CFAP54: variants seen among roughly 807,000 people sequenced by gnomAD.
CFAP54 encodes cilia- and flagella-associated protein 54.
In CFAP54, 290 loss-of-function variants were observed where a neutral mutation model predicts 370.4. That is an observed-to-expected ratio of 0.78 (90% CI 0.71 to 0.86). The LOEUF is 0.86. Among genes scored for constraint, CFAP54 ranks in the 40% least tolerant of loss-of-function variants. The pLI, the probability that CFAP54 is intolerant of heterozygous loss-of-function variation, is 0.00. For missense variants in CFAP54, 3,399 were observed against 3,528.7 expected (o/e 0.96, Z 0.93); for synonymous variants, 1,206 against 1,236.5 (o/e 0.98, Z 0.52).
chr12:96,489,627 C>A lies in CFAP54; in HGVS notation c.18C>A (p.Ser6=), dbSNP rs964132214. The change falls in exon 1 of 68, where the codon TCC becomes TCA. Residue 6 remains serine, a synonymous_variant. Coordinates refer to ENST00000524981, the MANE Select transcript of CFAP54 (RefSeq NM_001306084.2). ...GCGTCAATATGGCGGCGCAGGGCTC[C>A]CCCTCGAGCTCTCCGTCAGACGACT... MAAQG[S]PSSSPSDDST... The A allele has an allele frequency of 2.6e-6, 4 of 1,523,516 alleles. No individual in the cohort carries two copies. The highest frequency in any genetic ancestry group is 3.5e-6 in the Non-Finnish European group (4 of 1,137,330). 94.4% of individuals were successfully genotyped at this position (1,523,516 alleles called of 1,614,324 possible). A position where few individuals can be genotyped will look rare whatever the true frequency, so the allele number is the denominator to read the frequency against.
At chr12:96,589,109 A>T (rs1052047962) in intron 22 of CFAP54, among the ~76,000 whole-genome samples, 1 of 152,238 alleles carries the variant, frequency 6.6e-6, no homozygotes, top group African/African-American at 2.4e-5. Flanking sequence ...GCTGAGATAG[A>T]TGGAAATGAA....
intron 15 of CFAP54, among the ~76,000 whole-genome samples, chr12:96,549,671 G>A (rs1385378722): frequency 6.6e-6 from 1 of 152,204 alleles, no homozygotes; most frequent in African/African-American, 2.4e-5. Flanking sequence ...GTCTTTTTGA[G>A]TATAAGTGTC....
At chr12:96,588,143 CT>C (rs1446081249) in intron 22 of CFAP54, among the ~76,000 whole-genome samples, 1 of 152,084 alleles carries the variant, frequency 6.6e-6, no homozygotes, top group Non-Finnish European at 1.5e-5. Context: ...CCACTTGTTT[CT>C]TTTCATTTTT....
intron 17 of CFAP54, among the ~76,000 whole-genome samples, chr12:96,557,632 A>G (rs1292863222): frequency 1.3e-5 from 2 of 152,144 alleles, no homozygotes; most frequent in African/African-American, 4.8e-5. Context: ...GATGAATTCT[A>G]GAAACATAAT....
intron 50 of CFAP54, among the ~76,000 whole-genome samples, chr12:96,737,532 C>T (rs1041974594): frequency 1.1e-4 from 16 of 150,684 alleles, no homozygotes; most frequent in African/African-American, 3.9e-4. Flanking sequence ...CCCTGTCACC[C>T]AGGCTGGAGT....
intron 39 of CFAP54, among the ~76,000 whole-genome samples, chr12:96,664,342 CTTA>C (rs1205547574): frequency 6.6e-6 from 1 of 151,976 alleles, no homozygotes; most frequent in Non-Finnish European, 1.5e-5. Flanking sequence ...TCCATGTGTT[CTTA>C]TTATTTAGCT....
Position 96,565,294 on chromosome 12 carries a change from C to T in CFAP54, c.2619+529C>T, listed in dbSNP as rs138532591. Among the ~76,000 whole-genome samples, 12 of 152,154 alleles carry T rather than the reference C, an allele frequency of 7.9e-5. No individual in the cohort carries two copies. In the East Asian group the frequency reaches 1.7e-3, roughly 22 times the overall value. On this transcript the variant is annotated intron_variant, in intron 19 of 67. Transcript: ENST00000524981. ...TGTCAACTAGGCTGGAATGCAGTGGCGCAGTCCTAGATCACTGCAGCTTTG... is the reference window on the plus strand; with the variant it reads ...TGTCAACTAGGCTGGAATGCAGTGGTGCAGTCCTAGATCACTGCAGCTTTG...
intron 48 of CFAP54, among the ~76,000 whole-genome samples, chr12:96,714,704 C>A (rs1255736707): frequency 6.6e-6 from 1 of 151,760 alleles, no homozygotes; most frequent in Non-Finnish European, 1.5e-5. Flanking sequence ...GGAGTGGAAT[C>A]AAACAGAATG....
chr12:96,621,464 A>T (rs1002687006), intron 26 of CFAP54, 126 bp from the exon 27 acceptor site: 66 of 600,180 alleles, frequency 1.1e-4, no homozygotes, highest in Middle Eastern at 1.0e-3. Flanking sequence ...GGTTTTTTTT[A>T]AAATAAAAGG....
At chr12:96,821,490 C>T (rs1959033644) in intron 65 of CFAP54, among the ~76,000 whole-genome samples, 1 of 152,004 alleles carries the variant, frequency 6.6e-6, no homozygotes, top group African/African-American at 2.4e-5. Context: ...TATTCTCCAA[C>T]CTAGAAAGTG....
Position 96,564,567 on chromosome 12 carries a change from G to T in CFAP54, c.2497+13G>T, listed in dbSNP as rs1056491107. The T allele has an allele frequency of 2.9e-6, 2 of 679,400 alleles. No individual in the cohort carries two copies. Among genetic ancestry groups the T allele is most frequent in the African/African-American group, 1.8e-5 (1 of 56,450 alleles). 42.1% of individuals were successfully genotyped at this position (679,400 alleles called of 1,614,324 possible). On this transcript the variant is annotated intron_variant, in intron 18 of 67. Transcript: ENST00000524981. ...GATTGTTTTACAGGTAATTAAAATT[G>T]GGATAACTGGTATTTCCAAAAAATT...
At chr12:96,734,066 T>G (rs1957954205) in intron 50 of CFAP54, among the ~76,000 whole-genome samples, 1 of 152,210 alleles carries the variant, frequency 6.6e-6, no homozygotes, top group African/African-American at 2.4e-5. Flanking sequence ...GTTGTTGTTA[T>G]TTTCTTGGTT....
At chr12:96,735,484 G>A (rs1957969978) in intron 50 of CFAP54, among the ~76,000 whole-genome samples, 1 of 152,200 alleles carries the variant, frequency 6.6e-6, no homozygotes, top group Non-Finnish European at 1.5e-5. Context: ...CCATCTCATA[G>A]TTAAGACTGA....
At chr12:96,596,950 C>G (rs1220521719) in intron 25 of CFAP54, among the ~76,000 whole-genome samples, 8 of 151,966 alleles carry the variant, frequency 5.3e-5, no homozygotes, top group African/African-American at 1.9e-4. Flanking sequence ...TAGAAATTCA[C>G]ATTAAATTAA....
At chr12:96,825,968 A>T (rs1223819983) in intron 65 of CFAP54, among the ~76,000 whole-genome samples, 1 of 142,840 alleles carries the variant, frequency 7.0e-6, no homozygotes, top group African/African-American at 2.5e-5. Flanking sequence ...AATATATAAC[A>T]TAATATATTA....
intron 32 of CFAP54, among the ~76,000 whole-genome samples, chr12:96,637,302 G>GACTTTTGGATCAGTTGATCC (rs1266597593): frequency 6.6e-6 from 1 of 152,170 alleles, no homozygotes; most frequent in Non-Finnish European, 1.5e-5. Flanking sequence ...TCGGTTGATA[G>GACTTTTGGATCAGTTGATCC]ACTTTTGGAT....
chr12:96,841,730 C>A (rs7138120), intron 66 of CFAP54, among the ~76,000 whole-genome samples: 62,330 of 152,028 alleles, frequency 0.41, 14,078 homozygotes, highest in African/African-American at 0.6. Flanking sequence ...TTCGCCCTTG[C>A]GAACAAGTCA....
chr12:96,493,015 A>G (rs1237088298), intron 1 of CFAP54, among the ~76,000 whole-genome samples: 1 of 151,824 alleles, frequency 6.6e-6, no homozygotes, highest in African/African-American at 2.4e-5. Context: ...AAAAAGAGTT[A>G]TTATCCTTAT....
At chr12:96,730,105 C>T (rs941179306) in intron 50 of CFAP54, among the ~76,000 whole-genome samples, 1 of 152,186 alleles carries the variant, frequency 6.6e-6, no homozygotes, top group African/African-American at 2.4e-5. Context: ...AGCCAGGGGA[C>T]TAGCTGCCTG....
Sources: allele counts gnomAD v4.1 joint callset (sites outside exome capture counted in the v4.1 genomes callset), GRCh38; gene constraint gnomAD v4.1.1; transcripts MANE v1.5; gene names NCBI Gene and HGNC (gene_info 2026-07-23, HGNC 2026-07-21).